ADARB2: variants seen among roughly 807,000 people sequenced by gnomAD.
ADARB2 encodes inactive double-stranded RNA-specific editase B2.
A neutral mutation model predicts 62.2 loss-of-function variants in ADARB2; 25 were observed. That is an observed-to-expected ratio of 0.40 (90% CI 0.29 to 0.56). The LOEUF (loss-of-function observed/expected upper bound fraction) is 0.56, where lower values mean the gene tolerates loss of function less well. Among genes scored for constraint, ADARB2 ranks in the 20% least tolerant of loss-of-function variants. The pLI is 0.43. For synonymous variants in ADARB2, 572 were observed against 500.8 expected (o/e 1.14, Z -1.90); for missense variants, 1,071 against 1,077.4 (o/e 0.99, Z 0.08).
At chr10:1,197,712 T>C (rs542428336) in intron 8 of ADARB2, among the ~76,000 whole-genome samples, 1 of 152,372 alleles carries the variant, frequency 6.6e-6, no homozygotes, top group African/African-American at 2.4e-5. Context: ...AGTTTTATCT[T>C]CAGTGTGGAC....
At chr10:1,461,519 T>A (rs116233874) in intron 1 of ADARB2, among the ~76,000 whole-genome samples, 49,717 of 151,966 alleles carry the variant, frequency 0.33, 8,800 homozygotes, top group Middle Eastern at 0.48. Context: ...TATATATTTT[T>A]TTTTTTAAAG....
chr10:1,334,894 G>A (rs1199844028), intron 3 of ADARB2, among the ~76,000 whole-genome samples: 4 of 152,174 alleles, frequency 2.6e-5, no homozygotes, highest in Non-Finnish European at 5.9e-5. Context: ...GGCACCAGAA[G>A]ATTAACTGTC....
rs761762002 is a variant in ADARB2, at chr10:1,737,494, C to A, written c.-344G>T. On this transcript the variant is annotated 5_prime_UTR_variant, in exon 1 of 10. Transcript: ENST00000381312. ...CCAGCGCAGGGAGGCTACTTTTGCG[C>A]CTCTGCTAGTTGTTTGGCACCAGCC... The A allele has an allele frequency of 7.6e-4, 226 of 297,896 alleles. No individual in the cohort carries two copies. The highest frequency in any genetic ancestry group is 1.0e-3 in the Middle Eastern group (1 of 978). 18.5% of individuals were successfully genotyped at this position (297,896 alleles called of 1,614,324 possible).
chr10:1,188,703 T>G (rs1836797500), intron 8 of ADARB2, among the ~76,000 whole-genome samples: 1 of 151,846 alleles, frequency 6.6e-6, no homozygotes, highest in South Asian at 2.1e-4. Flanking sequence ...CTGACATCGC[T>G]GTGACTAATA....
At chr10:1,195,672 A>G (rs1166150884) in intron 8 of ADARB2, among the ~76,000 whole-genome samples, 1 of 152,118 alleles carries the variant, frequency 6.6e-6, no homozygotes, top group African/African-American at 2.4e-5. Flanking sequence ...GAATCCATGG[A>G]GAGGCTGATC....
At chr10:1,267,123 C>T (rs549993488) in intron 4 of ADARB2, among the ~76,000 whole-genome samples, 1 of 148,490 alleles carries the variant, frequency 6.7e-6, no homozygotes, top group Non-Finnish European at 1.5e-5. Flanking sequence ...TAAACATATT[C>T]TTAAATCCAA....
intron 1 of ADARB2, among the ~76,000 whole-genome samples, chr10:1,626,725 C>A (rs1833774383): frequency 6.6e-6 from 1 of 152,232 alleles, no homozygotes; most frequent in Admixed American, 6.5e-5. Context: ...CACGTCCCGG[C>A]TTGTCGCTCA....
chr10:1,600,974 G>A (rs1644763322), intron 1 of ADARB2, among the ~76,000 whole-genome samples: 1 of 152,220 alleles, frequency 6.6e-6, no homozygotes, highest in African/African-American at 2.4e-5. Flanking sequence ...GGCCGCAGAA[G>A]CAGTGACTCT....
At chr10:1,320,852 T>C (rs1290094806) in intron 3 of ADARB2, among the ~76,000 whole-genome samples, 1 of 152,216 alleles carries the variant, frequency 6.6e-6, no homozygotes, top group Non-Finnish European at 1.5e-5. Flanking sequence ...TTTTAAGCAC[T>C]GTAATAAAAC....
At chr10:1,202,257 T>C (rs966098509) in intron 7 of ADARB2, among the ~76,000 whole-genome samples, 1 of 151,994 alleles carries the variant, frequency 6.6e-6, no homozygotes, top group Non-Finnish European at 1.5e-5. Flanking sequence ...TGTGTGTGTG[T>C]GTTTTTTTTA....
At chr10:1,615,762 C>A (rs1833623622) in intron 1 of ADARB2, among the ~76,000 whole-genome samples, 1 of 152,240 alleles carries the variant, frequency 6.6e-6, no homozygotes, top group African/African-American at 2.4e-5. Context: ...ACTTTCACCT[C>A]TCCAGTGTTG....
At chr10:1,356,376 G>T (rs890231512) in intron 3 of ADARB2, among the ~76,000 whole-genome samples, 7 of 152,246 alleles carry the variant, frequency 4.6e-5, no homozygotes, top group Non-Finnish European at 1.0e-4. Flanking sequence ...GCCAGCTGGG[G>T]TGGAAGGGCG....
At chr10:1,198,914 A>G (rs1836945795) in intron 8 of ADARB2, among the ~76,000 whole-genome samples, 1 of 152,110 alleles carries the variant, frequency 6.6e-6, no homozygotes, top group Admixed American at 6.5e-5. Flanking sequence ...GCGTGGTTGC[A>G]TTTGTACTCC....
intron 1 of ADARB2, among the ~76,000 whole-genome samples, chr10:1,590,244 C>G (rs557690079): frequency 6.6e-6 from 1 of 152,278 alleles, no homozygotes; most frequent in South Asian, 2.1e-4. Context: ...GGCACCCAGC[C>G]CATTAGGAGC....
intron 1 of ADARB2, among the ~76,000 whole-genome samples, chr10:1,566,181 C>T (rs1215407547): frequency 6.7e-6 from 1 of 149,706 alleles, no homozygotes; most frequent in African/African-American, 2.5e-5. Flanking sequence ...AGATGGTTTA[C>T]TTCCTGTGAA....
chr10:1,213,026 G>A (rs1837178278), intron 7 of ADARB2, among the ~76,000 whole-genome samples: 1 of 152,232 alleles, frequency 6.6e-6, no homozygotes, highest in African/African-American at 2.4e-5. Context: ...CTTTGGGGAA[G>A]AGGGAGGGAG....
intron 1 of ADARB2, among the ~76,000 whole-genome samples, chr10:1,519,202 T>G (rs766472978): frequency 6.6e-6 from 1 of 151,968 alleles, no homozygotes; most frequent in Non-Finnish European, 1.5e-5. Flanking sequence ...TACGCCTATA[T>G]TCCATGTAAC....
intron 1 of ADARB2, among the ~76,000 whole-genome samples, chr10:1,416,476 C>T (rs939226655): frequency 3.9e-5 from 6 of 152,214 alleles, no homozygotes; most frequent in African/African-American, 7.2e-5. Context: ...GAGGAGTGAG[C>T]GCCTGGCCAT....
intron 1 of ADARB2, among the ~76,000 whole-genome samples, chr10:1,600,803 A>C (rs2813400): frequency 0.13 from 19,344 of 152,042 alleles, 1,525 homozygotes; most frequent in East Asian, 0.28. Flanking sequence ...TAACAACAGC[A>C]CATGTTTGGG....
Sources: allele counts gnomAD v4.1 joint callset (sites outside exome capture counted in the v4.1 genomes callset), GRCh38; gene constraint gnomAD v4.1.1; transcripts MANE v1.5; gene names NCBI Gene and HGNC (gene_info 2026-07-23, HGNC 2026-07-21).